SLC38A9: variants seen among roughly 807,000 people sequenced by gnomAD.
The protein encoded by SLC38A9 is solute carrier family 38 member 9.
A neutral mutation model predicts 62.3 loss-of-function variants in SLC38A9; 48 were observed. The observed-to-expected ratio is 0.77, with a 90% CI of 0.61 to 0.98. SLC38A9 has a LOEUF of 0.98. Among genes scored for constraint, SLC38A9 ranks in the 50% least tolerant of loss-of-function variants. SLC38A9 has a pLI of 0.00. For missense variants in SLC38A9, 541 were observed against 679.8 expected, an observed-to-expected ratio of 0.80 and a Z score of 2.27; for synonymous variants, 204 against 227.7, an observed-to-expected ratio of 0.90 and a Z score of 0.94.
Position 55,645,801 on chromosome 5 carries a change from T to A in SLC38A9, c.1155A>T (p.Lys385Asn). 6.2e-7 allele frequency: 1 copy of A among 1,602,924 alleles called. No homozygotes were observed. The highest frequency in any genetic ancestry group is 1.3e-5 in the African/African-American group (1 of 74,692). Reference protein sequence around the residue: ...CIITLLKNNKKQENNVRDLCI... With the variant: ...CIITLLKNNKNQENNVRDLCI... ...GATAATTACTCACATTGTTTTCTTG[T>A]TTCTTGTTGTTCTTCAAGAGTGTGA... Residue 385 changes from lysine to asparagine, a missense_variant, in exon 12 of 16, where the codon AAA (lysine) becomes AAT (asparagine). Transcript: ENST00000396865.
intron 3 of SLC38A9, among the ~76,000 whole-genome samples, chr5:55,680,220 T>G (rs1157295195): frequency 1.4e-3 from 128 of 90,754 alleles, no homozygotes; most frequent in African/African-American, 4.4e-3. Flanking sequence ...TATATCTATA[T>G]ATATATAGAG....
chr5:55,676,409 C>G (rs1752087978), intron 3 of SLC38A9, among the ~76,000 whole-genome samples: 2 of 152,144 alleles, frequency 1.3e-5, no homozygotes, highest in South Asian at 2.1e-4. Flanking sequence ...AAACTTCTGG[C>G]ACAAGCAATC....
chr5:55,633,087 G>T (rs540737260), intron 14 of SLC38A9, among the ~76,000 whole-genome samples: 2 of 151,226 alleles, frequency 1.3e-5, no homozygotes, highest in East Asian at 3.9e-4. Flanking sequence ...CTGCAGCCTC[G>T]ATCTCCCGGG....
chr5:55,650,873 C>T (rs2150171019), intron 10 of SLC38A9, among the ~76,000 whole-genome samples: 1 of 152,298 alleles, frequency 6.6e-6, no homozygotes, highest in South Asian at 2.1e-4. Flanking sequence ...CTCACTGCAA[C>T]CTCCGCCTCC....
At chr5:55,681,717 T>A (rs911138568) in intron 3 of SLC38A9, among the ~76,000 whole-genome samples, 4 of 152,326 alleles carry the variant, frequency 2.6e-5, no homozygotes, top group African/African-American at 9.6e-5. Context: ...TCCCTATGGG[T>A]GTCACAGCAG....
At chr5:55,651,245 CATCT>C (rs1390937385) in intron 10 of SLC38A9, among the ~76,000 whole-genome samples, 2 of 56,134 alleles carry the variant, frequency 3.6e-5, no homozygotes, top group East Asian at 7.0e-4. Flanking sequence ...TTCCTTTTGC[CATCT>C]TTTTTTTTTT....
In SLC38A9 at chr5:55,652,546, G is replaced by GA. The variant is rs753030864; in HGVS notation, c.934dup (p.Ser312PhefsTer4). 4 of 1,599,776 alleles carry GA rather than the reference G, an allele frequency of 2.5e-6. No individual in the cohort carries two copies. Among genetic ancestry groups the GA allele is most frequent in the Admixed American group, 1.7e-5 (1 of 57,464 alleles). On this transcript the variant is annotated frameshift_variant, in exon 10 of 16. Transcript: ENST00000396865. LOFTEE classifies it high-confidence loss of function. Reference sequence around the variant, plus strand: ...CTACTTACCTAGGATATTAAATTTTGAAAAAAATGAAGGAGACTTGAAATT... The same window carrying GA: ...CTACTTACCTAGGATATTAAATTTTGAAAAAAAATGAAGGAGACTTGAAATT...
At chr5:55,662,145 A>G (rs1749685779) in intron 8 of SLC38A9, among the ~76,000 whole-genome samples, 1 of 152,326 alleles carries the variant, frequency 6.6e-6, no homozygotes, top group Non-Finnish European at 1.5e-5. Context: ...TATAAGGTCC[A>G]TAACTTGGAG....
At chr5:55,677,966 T>G in intron 3 of SLC38A9, among the ~76,000 whole-genome samples, 1 of 28,882 alleles carries the variant, frequency 3.5e-5, no homozygotes, top group African/African-American at 9.1e-5. Context: ...GTGTGTGTAG[T>G]GTGTTGGGAG....
At chr5:55,655,810 A>G (rs1748308794) in intron 9 of SLC38A9, among the ~76,000 whole-genome samples, 1 of 152,178 alleles carries the variant, frequency 6.6e-6, no homozygotes, top group Admixed American at 6.5e-5. Context: ...ATCTAAATAC[A>G]TAAAGCTTTA....
chr5:55,663,459 G>A (rs1470616686), intron 8 of SLC38A9, among the ~76,000 whole-genome samples: 1 of 152,086 alleles, frequency 6.6e-6, no homozygotes, highest in Non-Finnish European at 1.5e-5. Context: ...CTTGGGGCCA[G>A]GTGCGGTGGC....
intron 3 of SLC38A9, among the ~76,000 whole-genome samples, chr5:55,685,082 T>A (rs143577359): frequency 6.6e-6 from 1 of 152,354 alleles, no homozygotes; most frequent in African/African-American, 2.4e-5. Context: ...ATTGTCTTAT[T>A]AGTTGTCCTA....
In SLC38A9 at chr5:55,631,784, T is replaced by A. The variant is rs546963108; in HGVS notation, c.1430+1970A>T. 2.0e-5 allele frequency among the ~76,000 whole-genome samples: 3 copies of A among 152,326 alleles called. No homozygotes were observed. In the South Asian group the frequency reaches 6.2e-4, roughly 32 times the overall value. ...TACTGTAAATGCAATTTTTTTCAAA[T>A]TTTATTTAAGTTATCTTTCTTTAAA... On this transcript the variant is annotated intron_variant, in intron 14 of 15. Coordinates refer to ENST00000396865, the MANE Select transcript of SLC38A9 (RefSeq NM_173514.4).
intron 3 of SLC38A9, chr5:55,692,874 GAATC>G: frequency 1.0e-6 from 1 of 978,248 alleles, no homozygotes; most frequent in Non-Finnish European, 1.2e-6. Flanking sequence ...ATATAAGTAA[GAATC>G]AAAAGTCTTA....
intron 2 of SLC38A9, 36 bp from the exon 3 acceptor site, chr5:55,698,028 A>G (rs1192776144): frequency 1.3e-6 from 1 of 756,828 alleles, no homozygotes; most frequent in Non-Finnish European, 2.1e-6. Context: ...GTTTAATTTT[A>G]AAATATTTTA....
At chr5:55,661,864 T>A (rs556573837) in intron 8 of SLC38A9, among the ~76,000 whole-genome samples, 1 of 152,094 alleles carries the variant, frequency 6.6e-6, no homozygotes, top group African/African-American at 2.4e-5. Context: ...GATAGAAAAA[T>A]GGGCAAAGGA....
chr5:55,638,567 A>C (rs192058045), intron 12 of SLC38A9, among the ~76,000 whole-genome samples: 1 of 152,326 alleles, frequency 6.6e-6, no homozygotes, highest in East Asian at 1.9e-4. Context: ...CAACAGGCCC[A>C]GAAGTAGGTT....
At chr5:55,677,007 A>T (rs927447759) in intron 3 of SLC38A9, among the ~76,000 whole-genome samples, 16 of 152,218 alleles carry the variant, frequency 1.1e-4, no homozygotes, top group Non-Finnish European at 1.5e-4. Flanking sequence ...AAGATTTAAA[A>T]ACTTCCAAAT....
intron 3 of SLC38A9, among the ~76,000 whole-genome samples, chr5:55,680,441 C>T (rs1490448531): frequency 6.6e-6 from 1 of 152,108 alleles, no homozygotes; most frequent in Non-Finnish European, 1.5e-5. Context: ...GTGATTAGGC[C>T]GGGAGGGGTC....
Sources: gnomAD v4.1 joint callset for allele counts (sites outside exome capture counted in the v4.1 genomes callset) on GRCh38, gnomAD v4.1.1 for gene constraint, MANE v1.5 for transcripts, NCBI Gene and HGNC (gene_info 2026-07-23, HGNC 2026-07-21) for gene names.